Variants in CNTN3 observed in about 807,000 individuals in gnomAD.
CNTN3 encodes contactin 3, also known as contactin-3.
In CNTN3, 60 loss-of-function variants were observed where a neutral mutation model predicts 119.1. The observed-to-expected ratio is 0.50, with a 90% CI of 0.41 to 0.62. CNTN3 has a LOEUF of 0.62. Among genes scored for constraint, CNTN3 ranks in the 20% least tolerant of loss-of-function variants. The pLI is 0.00. For missense variants in CNTN3, 1,101 were observed against 1,242.4 expected, an observed-to-expected ratio of 0.89 and a Z score of 1.71; for synonymous variants, 450 against 438.7, an observed-to-expected ratio of 1.03 and a Z score of -0.32.
At chr3:74,568,876 A>G (rs929755651) in intron 1 of CNTN3, among the ~76,000 whole-genome samples, 2 of 152,166 alleles carry the variant, frequency 1.3e-5, no homozygotes, top group African/African-American at 4.8e-5. Flanking sequence ...GAGTACTATG[A>G]AATACACAAA....
At chr3:74,379,269 C>T (rs551115625) in intron 5 of CNTN3, among the ~76,000 whole-genome samples, 4 of 152,232 alleles carry the variant, frequency 2.6e-5, no homozygotes, top group South Asian at 4.1e-4. Context: ...GATTCTCCTG[C>T]CTCAGCCTCC....
intron 11 of CNTN3, among the ~76,000 whole-genome samples, chr3:74,353,986 A>G (rs899943867): frequency 4.6e-5 from 7 of 151,808 alleles, no homozygotes; most frequent in African/African-American, 1.5e-4. Context: ...AGTGATCACT[A>G]TTTTTTTCCC....
chr3:74,584,124 T>G (rs1041188892), intron 1 of CNTN3, among the ~76,000 whole-genome samples: 1 of 152,196 alleles, frequency 6.6e-6, no homozygotes, highest in African/African-American at 2.4e-5. Context: ...TGTTAAAAAC[T>G]ACATCAAATA....
At chr3:74,345,935 A>C (rs994032953) in intron 11 of CNTN3, among the ~76,000 whole-genome samples, 45 of 152,212 alleles carry the variant, frequency 3.0e-4, no homozygotes, top group African/African-American at 1.0e-3. Flanking sequence ...TGTCATAAAC[A>C]ATAAAGATTC....
At chr3:74,336,720 T>C (rs1248004142) in intron 11 of CNTN3, 62 bp from the exon 12 acceptor site, 5 of 1,309,488 alleles carry the variant, frequency 3.8e-6, no homozygotes, top group Middle Eastern at 2.0e-4. Context: ...CAAATGAATA[T>C]ACATATTTTT....
intron 1 of CNTN3, among the ~76,000 whole-genome samples, chr3:74,566,444 G>T (rs1240158152): frequency 4.6e-5 from 7 of 152,162 alleles, no homozygotes; most frequent in African/African-American, 1.7e-4. Flanking sequence ...TAAAATGAGT[G>T]TCAGCAGGGC....
chr3:74,566,251 A>T (rs555250227), intron 1 of CNTN3, among the ~76,000 whole-genome samples: 2 of 152,116 alleles, frequency 1.3e-5, no homozygotes, highest in African/African-American at 4.8e-5. Flanking sequence ...CCAACCTAAG[A>T]TGGTGATGCA....
Position 74,521,113 on chromosome 3 carries a change from C to A in CNTN3, c.-1G>T, listed in dbSNP as rs1157997209. ...TCAACTGTTTCCATGGAAACATCATCTTTAATTGCCAAATGCAAGAGTAAC... is the reference window on the plus strand; with the variant it reads ...TCAACTGTTTCCATGGAAACATCATATTTAATTGCCAAATGCAAGAGTAAC... On this transcript the variant is annotated 5_prime_UTR_variant, in exon 2 of 23. Coordinates refer to ENST00000263665, the MANE Select transcript of CNTN3 (RefSeq NM_020872.3). 3 of 1,591,720 alleles carry A rather than the reference C, an allele frequency of 1.9e-6. No homozygotes were observed. Among genetic ancestry groups the A allele is most frequent in the Non-Finnish European group, 2.6e-6 (3 of 1,166,168 alleles).
intron 13 of CNTN3, among the ~76,000 whole-genome samples, chr3:74,318,610 AC>A (rs1252401602): frequency 7.9e-5 from 12 of 152,180 alleles, no homozygotes; most frequent in African/African-American, 2.9e-4. Context: ...TCCACTCCAG[AC>A]CCTGTTTGCC....
chr3:74,576,271 T>C (rs1393743378), intron 1 of CNTN3, among the ~76,000 whole-genome samples: 2 of 152,160 alleles, frequency 1.3e-5, no homozygotes, highest in Non-Finnish European at 2.9e-5. Context: ...TTGCCATACA[T>C]ATATGTGAAA....
chr3:74,307,090 C>T (rs1256106879), intron 13 of CNTN3, among the ~76,000 whole-genome samples: 1 of 152,106 alleles, frequency 6.6e-6, no homozygotes, highest in African/African-American at 2.4e-5. Flanking sequence ...ATAAACTACA[C>T]TAGGGTACTT....
intron 11 of CNTN3, among the ~76,000 whole-genome samples, chr3:74,343,678 G>A (rs921027849): frequency 2.0e-5 from 3 of 152,156 alleles, no homozygotes; most frequent in Non-Finnish European, 2.9e-5. Context: ...TATGAATCAC[G>A]GTGTCTTGTC....
intron 1 of CNTN3, among the ~76,000 whole-genome samples, chr3:74,563,198 G>A (rs988873711): frequency 6.6e-5 from 10 of 152,080 alleles, no homozygotes; most frequent in Non-Finnish European, 1.2e-4. Flanking sequence ...CGGTTGCCAA[G>A]TCGCAGATGT....
chr3:74,612,596 C>T (rs1705101074), intron 1 of CNTN3, among the ~76,000 whole-genome samples: 1 of 152,126 alleles, frequency 6.6e-6, no homozygotes, highest in Admixed American at 6.5e-5. Context: ...ATTAGACACT[C>T]GGTGTCTCGG....
rs566322061 is a variant in CNTN3, at chr3:74,533,471, A to T, written c.-80-12279T>A. ...GGTGGTAGGTAGATAATAATGGCAA[A>T]CACTCAGATTGAACATGTGCCAGGC... On this transcript the variant is annotated intron_variant, in intron 1 of 22. Coordinates refer to ENST00000263665, the MANE Select transcript of CNTN3 (RefSeq NM_020872.3). Among the ~76,000 whole-genome samples, 3 of 152,142 alleles carry T rather than the reference A, an allele frequency of 2.0e-5. No homozygotes were observed. The South Asian group carries it at 6.2e-4, about 32-fold the overall frequency.
chr3:74,402,391 T>C (rs189432428), intron 5 of CNTN3, among the ~76,000 whole-genome samples: 10 of 152,344 alleles, frequency 6.6e-5, no homozygotes, highest in Admixed American at 5.9e-4. Flanking sequence ...ATGTAAATCT[T>C]CCTTGGAACT....
chr3:74,351,210 T>C (rs1703804866), intron 11 of CNTN3, among the ~76,000 whole-genome samples: 1 of 152,212 alleles, frequency 6.6e-6, no homozygotes. Flanking sequence ...TATTCTGATC[T>C]TTGCAATCCA....
chr3:74,578,397 A>C (rs941682403), intron 1 of CNTN3, among the ~76,000 whole-genome samples: 1 of 152,222 alleles, frequency 6.6e-6, no homozygotes, highest in East Asian at 1.9e-4. Flanking sequence ...ACTTTTCTTA[A>C]TAAGTTAAGG....
chr3:74,333,041 A>G (rs1191765239), intron 13 of CNTN3, among the ~76,000 whole-genome samples: 1 of 152,242 alleles, frequency 6.6e-6, no homozygotes, highest in East Asian at 1.9e-4. Context: ...TTAAAAATAA[A>G]TAGACATTTA....
Sources: gnomAD v4.1 joint callset for allele counts (sites outside exome capture counted in the v4.1 genomes callset) on GRCh38, gnomAD v4.1.1 for gene constraint, MANE v1.5 for transcripts, NCBI Gene and HGNC (gene_info 2026-07-23, HGNC 2026-07-21) for gene names.